Variants in TBCD observed in about 807,000 individuals in gnomAD.
The protein encoded by TBCD is tubulin folding cofactor D.
Under a neutral mutation model 169.3 loss-of-function variants are expected in TBCD, and 105 were observed. The ratio of observed to expected loss-of-function variants is 0.62; its 90% CI spans 0.53 to 0.73. The LOEUF (loss-of-function observed/expected upper bound fraction) is 0.73. Among genes scored for constraint, TBCD ranks in the 30% least tolerant of loss-of-function variants. TBCD has a pLI of 0.00. For missense variants in TBCD, 1,444 were observed against 1,600.1 expected (o/e 0.90, Z 1.66); for synonymous variants, 700 against 643.9 (o/e 1.09, Z -1.32).
At chr17:82,866,151 G>C (rs1032865671) in intron 13 of TBCD, among the ~76,000 whole-genome samples, 1 of 152,058 alleles carries the variant, frequency 6.6e-6, no homozygotes, top group African/African-American at 2.4e-5. Context: ...TGTTCCACAC[G>C]CCCCTCCCCG....
intron 13 of TBCD, chr17:82,860,377 T>A (rs950821623): frequency 4.5e-5 from 44 of 985,330 alleles, no homozygotes; most frequent in Non-Finnish European, 5.2e-5. Flanking sequence ...GACTGGCTCT[T>A]TTCCCTGTGG....
intron 13 of TBCD, among the ~76,000 whole-genome samples, chr17:82,867,979 G>A (rs1340562464): frequency 2.0e-5 from 3 of 152,170 alleles, no homozygotes; most frequent in Admixed American, 1.3e-4. Context: ...AGGGAGTCAT[G>A]GCCGAGAGAG....
intron 2 of TBCD, among the ~76,000 whole-genome samples, chr17:82,762,140 C>A (rs1244038699): frequency 6.6e-6 from 1 of 150,916 alleles, no homozygotes; most frequent in African/African-American, 2.4e-5. Context: ...CACGGTGAAA[C>A]CCCATCTCTA....
chr17:82,768,300 C>A, intron 4 of TBCD, 120 bp from the exon 5 acceptor site: 1 of 1,212,722 alleles, frequency 8.2e-7, no homozygotes, highest in Non-Finnish European at 1.2e-6. Flanking sequence ...AGGGTGATGG[C>A]ATTTGAATGG....
At chr17:82,779,575 G>A (rs1007934479) in intron 6 of TBCD, among the ~76,000 whole-genome samples, 1 of 152,226 alleles carries the variant, frequency 6.6e-6, no homozygotes, top group African/African-American at 2.4e-5. Flanking sequence ...CAGCTGGGCA[G>A]CGCTTCTGTT....
At chr17:82,819,974 CTT>C (rs375685441) in intron 13 of TBCD, among the ~76,000 whole-genome samples, 1 of 142,874 alleles carries the variant, frequency 7.0e-6, no homozygotes, top group African/African-American at 2.6e-5. Context: ...TTAAGTTTAC[CTT>C]TTTTTTTTTT....
chr17:82,756,209 C>T lies in TBCD; in HGVS notation c.229C>T (p.His77Tyr), dbSNP rs2047392129. 2 of 1,610,010 alleles carry T rather than the reference C, an allele frequency of 1.2e-6. No homozygotes were observed. Among genetic ancestry groups the T allele is most frequent in the Non-Finnish European group, 1.7e-6 (2 of 1,178,020 alleles). Reference sequence around the variant, plus strand: ...GGAGCAGCCTCATCTGTTGGACCCGCACCTTGGTAAGAATAGAAGCTGCTG... The same window carrying T: ...GGAGCAGCCTCATCTGTTGGACCCGTACCTTGGTAAGAATAGAAGCTGCTG... Reference protein sequence around the residue: ...YQEQPHLLDPHLEWMMNLLLD... With the variant: ...YQEQPHLLDPYLEWMMNLLLD... Residue 77 changes from histidine to tyrosine, a missense_variant, in exon 2 of 39, where the codon CAC (histidine) becomes TAC (tyrosine). By Grantham distance (83) the His-to-Tyr change is moderately conservative. Transcript: ENST00000355528.
chr17:82,805,171 C>T lies in TBCD; in HGVS notation c.951-704C>T, dbSNP rs1335650159. Among the ~76,000 whole-genome samples, 13 of 152,350 alleles carry T rather than the reference C, an allele frequency of 8.5e-5. No homozygotes were observed. In the East Asian group the frequency reaches 1.7e-3, roughly 20 times the overall value. On this transcript the variant is annotated intron_variant, in intron 9 of 38. Transcript: ENST00000355528. ...GCTGCACGCCGAGCGCAGACTCTGA[C>T]GGCTCCTCACACAGCTCTCTGCGTA... is the stretch of plus-strand genomic sequence containing the variant.
At chr17:82,887,129 C>CTGTGTG (rs1491345032) in intron 15 of TBCD, among the ~76,000 whole-genome samples, 77 of 66,264 alleles carry the variant, frequency 1.2e-3, no homozygotes, top group Admixed American at 2.6e-3. Context: ...TTTACCTGTA[C>CTGTGTG]TCTGTGTGTG....
At chr17:82,940,462 C>G (rs879734421) in intron 37 of TBCD, among the ~76,000 whole-genome samples, 2 of 152,204 alleles carry the variant, frequency 1.3e-5, no homozygotes, top group South Asian at 4.1e-4. Context: ...TTGTTGAATC[C>G]AGCAAGGACG....
chr17:82,820,697 C>T (rs552701729), intron 13 of TBCD, among the ~76,000 whole-genome samples: 15 of 151,814 alleles, frequency 9.9e-5, no homozygotes, highest in South Asian at 4.2e-4. Context: ...CATGTTGGTA[C>T]GCTTGATGGT....
rs1555672590 is a variant in TBCD at position 82,758,394 on chromosome 17, A to AAT, written c.235+2180_235+2181insTA. Among the ~76,000 whole-genome samples the AAT allele has an allele frequency of 3.9e-5, 5 of 129,228 alleles. 1 individual carries two copies. The highest frequency in any genetic ancestry group is 6.4e-5 in the Non-Finnish European group (4 of 62,630). 84.8% of individuals were successfully genotyped at this position (129,228 alleles called of 152,430 possible). ...AACGAAAACGTCTCGGAAAAAAAAA[A>AAT]AAAAAAAAATAAATAAATAAATAAA... On this transcript the variant is annotated intron_variant, in intron 2 of 38. Coordinates refer to ENST00000355528, the MANE Select transcript of TBCD (RefSeq NM_005993.5).
chr17:82,801,486 G>A (rs1255115203), intron 9 of TBCD, among the ~76,000 whole-genome samples: 6 of 149,774 alleles, frequency 4.0e-5, no homozygotes, highest in Non-Finnish European at 7.4e-5. Flanking sequence ...CGTGTGTGTC[G>A]TGTGGCTCGG....
At chr17:82,871,359 G>T (rs1196173537) in intron 14 of TBCD, among the ~76,000 whole-genome samples, 6 of 152,224 alleles carry the variant, frequency 3.9e-5, no homozygotes, top group Non-Finnish European at 8.8e-5. Flanking sequence ...TTCTTGTTGT[G>T]CATGAAGGAG....
At chr17:82,882,522 C>T (rs2058429240) in intron 14 of TBCD, among the ~76,000 whole-genome samples, 1 of 152,214 alleles carries the variant, frequency 6.6e-6, no homozygotes, top group South Asian at 2.1e-4. Flanking sequence ...AGCCCATGCC[C>T]TGGGGACTCA....
At position 82,900,635 on chromosome 17, in the gene TBCD, A is replaced by G. The variant is rs772585813; in HGVS notation, c.1650-16A>G. 2 of 1,611,612 alleles carry G rather than the reference A, an allele frequency of 1.2e-6. No homozygotes were observed. The highest frequency in any genetic ancestry group is 1.7e-6 in the Non-Finnish European group (2 of 1,177,814). ...TTCTTCCGCGTCTCACCACCTCTCC[A>G]TGCTGTCTTTTCCAGTGTGTTTATT... is the stretch of plus-strand genomic sequence containing the variant. On this transcript the variant is annotated splice_polypyrimidine_tract_variant and intron_variant, in intron 17 of 38. Coordinates refer to ENST00000355528, the MANE Select transcript of TBCD (RefSeq NM_005993.5).
chr17:82,884,252 C>CT lies in TBCD; in HGVS notation c.1533+51dup. 6.6e-7 allele frequency: 1 copy of CT among 1,510,492 alleles called. No homozygotes were observed. The highest frequency in any genetic ancestry group is 1.4e-5 in the African/African-American group (1 of 72,658). The allele number at this position is 1,510,492 out of a possible 1,614,324, so 93.6% of individuals were successfully genotyped here. A position where few individuals can be genotyped will look rare whatever the true frequency, so the allele number is the denominator to read the frequency against. ...CCTTTCCTGAAGGTGGGGGGTGGGC[C>CT]TGGTCTCCCTGATGCTCCTCTGTGC... On this transcript the variant is annotated intron_variant, in intron 15 of 38. Coordinates refer to ENST00000355528, the MANE Select transcript of TBCD (RefSeq NM_005993.5). The surrounding 1 kb of genome is among the most constrained non-coding windows in gnomAD (Gnocchi z 4.2).
rs888323137 is a variant in TBCD at position 82,838,998 on chromosome 17, A to G, written c.1318+24064A>G. ...CTCCTCCAAATCAAGTTTATGAGAA[A>G]TTTCATATAAGGAAAAAAACCCTTT... On this transcript the variant is annotated intron_variant, in intron 13 of 38. Transcript: ENST00000355528. The G allele has an allele frequency of 9.1e-6, 9 of 983,864 alleles. No individual in the cohort carries two copies. In the African/African-American group the frequency reaches 1.0e-4, roughly 11 times the overall value. 60.9% of individuals were successfully genotyped at this position (983,864 alleles called of 1,614,324 possible). A position where few individuals can be genotyped will look rare whatever the true frequency, so the allele number is the denominator to read the frequency against.
In TBCD at chr17:82,814,933, T is replaced by A. The variant is rs775821768; in HGVS notation, c.1317T>A (p.Asp439Glu). Residue 439 changes from aspartate to glutamate, a missense_variant and splice_region_variant, in exon 13 of 39, where the codon GAT becomes GAA. Physicochemically the swap from Asp to Glu is conservative, Grantham distance 45. Transcript: ENST00000355528. ...RGLLLPSRLV[D>E]VVAVILKALT... ...TGTTGCTGCCGTCTCGACTCGTGGATGGTGAGTAGCTGAGGCACGGTCAGG... is the reference window on the plus strand; with the variant it reads ...TGTTGCTGCCGTCTCGACTCGTGGAAGGTGAGTAGCTGAGGCACGGTCAGG... The A allele has an allele frequency of 6.2e-7, 1 of 1,611,008 alleles. No homozygotes were observed. The highest frequency in any genetic ancestry group is 8.5e-7 in the Non-Finnish European group (1 of 1,179,064).
Sources: allele counts gnomAD v4.1 joint callset (sites outside exome capture counted in the v4.1 genomes callset), GRCh38; gene constraint gnomAD v4.1.1; non-coding constraint Gnocchi (gnomAD v3.1); transcripts MANE v1.5; gene names NCBI Gene and HGNC (gene_info 2026-07-23, HGNC 2026-07-21).